Variants in SLC8A2 observed in about 807,000 individuals in gnomAD.
SLC8A2 encodes solute carrier family 8 member A2.
In SLC8A2, 14 loss-of-function variants were observed where a neutral mutation model predicts 70.2. That is an observed-to-expected ratio of 0.20 (90% CI 0.13 to 0.31). SLC8A2 has a LOEUF of 0.31. Among genes scored for constraint, SLC8A2 ranks in the 10% least tolerant of loss-of-function variants. SLC8A2 has a pLI of 1.00. For synonymous variants in SLC8A2, 575 were observed against 594.3 expected, an observed-to-expected ratio of 0.97 and a Z score of 0.47; for missense variants, 779 against 1,320.1, an observed-to-expected ratio of 0.59 and a Z score of 6.35.
rs183176146 is a variant in SLC8A2, at chr19:47,450,391, C to T, written c.1341-2160G>A. 5.1e-4 allele frequency among the ~76,000 whole-genome samples: 78 copies of T among 152,144 alleles called. 2 individuals are homozygous for T. The highest frequency in any genetic ancestry group is 1.8e-3 in the African/African-American group (75 of 41,494). ...TACAAAAATTAGTGGGGTGTAGCAG[C>T]GCATGCCTGTAGTCCCAGCTACTCT... On this transcript the variant is annotated intron_variant, in intron 3 of 9. Transcript: ENST00000236877.
At chr19:47,450,963 A>C (rs1244242575) in intron 3 of SLC8A2, among the ~76,000 whole-genome samples, 1 of 151,936 alleles carries the variant, frequency 6.6e-6, no homozygotes, top group Admixed American at 6.6e-5. Flanking sequence ...TTTACATGTA[A>C]GGGATAAAGG....
At chr19:47,463,289 C>G (rs1460253362) in intron 2 of SLC8A2, among the ~76,000 whole-genome samples, 1 of 147,302 alleles carries the variant, frequency 6.8e-6, no homozygotes, top group South Asian at 2.2e-4. Flanking sequence ...CCCGCCACCA[C>G]GCCCGGCTAA....
intron 8 of SLC8A2, among the ~76,000 whole-genome samples, chr19:47,433,137 C>T (rs527419732): frequency 8.7e-4 from 133 of 152,198 alleles, no homozygotes; most frequent in Non-Finnish European, 1.5e-3. Flanking sequence ...CCGTTTGCTG[C>T]CAGGGACAGC....
At chr19:47,450,727 G>T (rs1362790076) in intron 3 of SLC8A2, among the ~76,000 whole-genome samples, 1 of 152,130 alleles carries the variant, frequency 6.6e-6, no homozygotes, top group Admixed American at 6.6e-5. Context: ...TTCAAGCCCA[G>T]TTTGGCCACC....
intron 3 of SLC8A2, among the ~76,000 whole-genome samples, chr19:47,451,630 C>T (rs957950762): frequency 2.0e-5 from 3 of 152,194 alleles, no homozygotes; most frequent in African/African-American, 7.2e-5. Context: ...CTTTGCCAAA[C>T]AATTAATCCA....
intron 9 of SLC8A2, among the ~76,000 whole-genome samples, chr19:47,431,431 A>C (rs1333234332): frequency 6.8e-6 from 1 of 147,992 alleles, no homozygotes; most frequent in African/African-American, 2.4e-5. Context: ...TGGGCGGATC[A>C]CGAGGTCAGG....
intron 3 of SLC8A2, among the ~76,000 whole-genome samples, chr19:47,452,320 T>G (rs1335486758): frequency 1.3e-5 from 2 of 150,788 alleles, no homozygotes; most frequent in African/African-American, 4.9e-5. Context: ...GCTCAAGCGA[T>G]TCCCCTACCT....
At chr19:47,435,591 C>G (rs8113748) in intron 8 of SLC8A2, among the ~76,000 whole-genome samples, 93,039 of 149,726 alleles carry the variant, frequency 0.62, 33,593 homozygotes, top group Non-Finnish European at 0.79. Context: ...CTTTGTTGCC[C>G]AGGCTGGAGT....
chr19:47,444,786 G>A (rs1335168552), intron 4 of SLC8A2, among the ~76,000 whole-genome samples: 1 of 152,130 alleles, frequency 6.6e-6, no homozygotes, highest in Non-Finnish European at 1.5e-5. Flanking sequence ...ACCAAGACAG[G>A]ACTTCCTGAG....
chr19:47,435,904 C>T (rs1026534576), intron 8 of SLC8A2, among the ~76,000 whole-genome samples: 13 of 152,138 alleles, frequency 8.5e-5, no homozygotes, highest in African/African-American at 3.1e-4. Context: ...CTCCCACAAG[C>T]TCTCTCTAGC....
At position 47,448,562 on chromosome 19, in the gene SLC8A2, C is replaced by T. The variant is rs1284040413; in HGVS notation, c.1341-331G>A. 1.3e-5 allele frequency among the ~76,000 whole-genome samples: 2 copies of T among 152,096 alleles called. No homozygotes were observed. The highest frequency in any genetic ancestry group is 4.8e-5 in the African/African-American group (2 of 41,408). ...GAGGCATTAGCAGGTGGGCATACTCCAGGCAGAAGGAACAGCACATGCAAA... is the reference window on the plus strand; with the variant it reads ...GAGGCATTAGCAGGTGGGCATACTCTAGGCAGAAGGAACAGCACATGCAAA... On this transcript the variant is annotated intron_variant, in intron 3 of 9. Transcript: ENST00000236877. This position sits in a 1 kb window ranked among gnomAD's most constrained non-coding sequence, Gnocchi z 4.8.
At chr19:47,437,621 G>A in intron 7 of SLC8A2, 60 bp from the exon 8 acceptor site, 1 of 1,391,724 alleles carries the variant, frequency 7.2e-7, no homozygotes, top group Non-Finnish European at 1.0e-6. Flanking sequence ...GAAGCTCCAT[G>A]TTGGGTCCTG....
At chr19:47,444,666 CTGACGTGCAG>C (rs1485564512) in intron 4 of SLC8A2, among the ~76,000 whole-genome samples, 1 of 152,224 alleles carries the variant, frequency 6.6e-6, no homozygotes, top group Admixed American at 6.5e-5. Context: ...CACACAGTGA[CTGACGTGCAG>C]TGACAGGCAC....
chr19:47,437,361 C>A (rs1335141914), intron 8 of SLC8A2, 101 bp downstream of exon 8: 21 of 896,874 alleles, frequency 2.3e-5, no homozygotes, highest in Non-Finnish European at 3.8e-5. Context: ...CCGCGCCCGG[C>A]CTGTTTATCT....
chr19:47,437,831 G>A lies in SLC8A2; in HGVS notation c.2010+18C>T, dbSNP rs199942654. ...GAACCAGGCTGGACTCCAGGAAGGT[G>A]AGGCCCCGGAAAATCACCTTAAAAT... On this transcript the variant is annotated intron_variant, in intron 7 of 9. Transcript: ENST00000236877. The A allele has an allele frequency of 6.4e-5, 104 of 1,613,866 alleles. No homozygotes were observed. Among genetic ancestry groups the A allele is most frequent in the Non-Finnish European group, 8.1e-5 (96 of 1,179,970 alleles).
At chr19:47,456,898 C>A (rs1395344447) in intron 3 of SLC8A2, 32 bp downstream of exon 3, 3 of 1,552,596 alleles carry the variant, frequency 1.9e-6, no homozygotes, top group African/African-American at 1.4e-5. Flanking sequence ...CTGCGCCAGC[C>A]CCCTGCACAC....
chr19:47,439,229 T>C (rs1158942780), intron 6 of SLC8A2, among the ~76,000 whole-genome samples: 1 of 152,074 alleles, frequency 6.6e-6, no homozygotes, highest in Non-Finnish European at 1.5e-5. Flanking sequence ...AACACTCTCG[T>C]AAAACTTTGC....
intron 2 of SLC8A2, among the ~76,000 whole-genome samples, chr19:47,458,709 C>T (rs566984085): frequency 1.3e-5 from 2 of 150,332 alleles, no homozygotes; most frequent in African/African-American, 4.9e-5. Context: ...GTCTCCATGT[C>T]CTGTTATATC....
intron 3 of SLC8A2, among the ~76,000 whole-genome samples, chr19:47,451,999 C>G (rs1156584350): frequency 6.6e-6 from 1 of 152,094 alleles, no homozygotes; most frequent in Non-Finnish European, 1.5e-5. Context: ...AAGGATATTA[C>G]AGGGATGACT....
Sources: gnomAD v4.1 joint callset for allele counts (sites outside exome capture counted in the v4.1 genomes callset) on GRCh38, gnomAD v4.1.1 for gene constraint, Gnocchi (gnomAD v3.1) non-coding constraint, MANE v1.5 for transcripts, NCBI Gene and HGNC (gene_info 2026-07-23, HGNC 2026-07-21) for gene names.